The following PLXNB1 variants were observed in gnomAD, a reference collection of about 807,000 sequenced individuals.
PLXNB1 encodes plexin-B1.
In PLXNB1, 106 loss-of-function variants were observed where a neutral mutation model predicts 209.4. The ratio of observed to expected loss-of-function variants is 0.51; its 90% CI spans 0.43 to 0.59. The LOEUF (loss-of-function observed/expected upper bound fraction) is 0.59, where lower values mean the gene tolerates loss of function less well. Among genes scored for constraint, PLXNB1 ranks in the 20% least tolerant of loss-of-function variants. The probability of loss-of-function intolerance (pLI) is 0.00; values close to 1 mark genes in which losing one functional copy is unlikely to be tolerated. For synonymous variants in PLXNB1, 1,167 were observed against 1,183.2 expected, an observed-to-expected ratio of 0.99 and a Z score of 0.28; for missense variants, 2,357 against 2,853.2, an observed-to-expected ratio of 0.83 and a Z score of 3.96.
At position 48,413,633 on chromosome 3, in the gene PLXNB1, G is replaced by T; in HGVS notation, c.4535+37C>A. On this transcript the variant is annotated intron_variant, in intron 23 of 37. Transcript: ENST00000296440. This position sits in a 1 kb window ranked among gnomAD's most constrained non-coding sequence, Gnocchi z 5.4. ...CCTTCCCAGTCCAGCCAGATCCCACGACCTGCCCCAGCCCAGCCACATCTG... is the reference window on the plus strand; with the variant it reads ...CCTTCCCAGTCCAGCCAGATCCCACTACCTGCCCCAGCCCAGCCACATCTG... 1 of 1,574,322 alleles carries T rather than the reference G, an allele frequency of 6.4e-7. No individual in the cohort carries two copies. The highest frequency in any genetic ancestry group is 8.7e-7 in the Non-Finnish European group (1 of 1,154,766).
rs1406007088 is a variant in PLXNB1, at chr3:48,419,697, G to A, written c.2589C>T (p.Phe863=). The A allele has an allele frequency of 1.2e-6, 2 of 1,612,334 alleles. No individual in the cohort carries two copies. The highest frequency in any genetic ancestry group is 2.7e-5 in the African/African-American group (2 of 74,922). ...CACCTGAGAGGAGGGTGGAAGTGGAGAAGGCGGGTGCGTCACCCCCCGTCC... is the reference window on the plus strand; with the variant it reads ...CACCTGAGAGGAGGGTGGAAGTGGAAAAGGCGGGTGCGTCACCCCCCGTCC... ...DEWTGGDAPA[F]STSTLLSGDG... Residue 863 remains phenylalanine (F), a synonymous_variant, in exon 11 of 38, where the codon TTC becomes TTT. Coordinates refer to ENST00000296440, the MANE Select transcript of PLXNB1 (RefSeq NM_001130082.3). The surrounding 1 kb of genome is among the most constrained non-coding windows in gnomAD (Gnocchi z 5.7).
rs781034719 is a variant in PLXNB1 at position 48,423,893 on chromosome 3, T to C, written c.719A>G (p.Gln240Arg). 1.9e-6 allele frequency: 3 copies of C among 1,614,012 alleles called. No homozygotes were observed. The highest frequency in any genetic ancestry group is 2.5e-6 in the Non-Finnish European group (3 of 1,179,994). The change falls in exon 3 of 38, where the codon CAG (glutamine) becomes CGG (arginine). Residue 240 changes from glutamine (Q) to arginine (R), a missense_variant. Gln to Arg is a conservative substitution (Grantham distance 43). Transcript: ENST00000296440. ...FLFLRRDLQA[Q>R]SRAFRAYVSR... ...TACATAGGCACGAAAAGCTCTAGAC[T>C]GAGCCTGCAGGTCCCGCCGCAGGAA...
Position 48,414,144 on chromosome 3 carries a change from G to C in PLXNB1, c.4210-73C>G, listed in dbSNP as rs1234342116. ...TCCTGTCCTCCCCAAATGTGGGAAG[G>C]ACCCTGAGACCCAGCCGCAGCAGCA... On this transcript the variant is annotated intron_variant, in intron 21 of 37. Transcript: ENST00000296440. 2.4e-5 allele frequency: 35 copies of C among 1,442,086 alleles called. No individual in the cohort carries two copies. In the East Asian group the frequency reaches 8.0e-4, roughly 33 times the overall value. 89.3% of individuals were successfully genotyped at this position (1,442,086 alleles called of 1,614,324 possible).
At position 48,415,154 on chromosome 3, in the gene PLXNB1, G is replaced by A; in HGVS notation, c.3966+22C>T. ...TGGTATGGGGCAAGGGGAGAGTGTG[G>A]GGGTACCCAAGGGTGTCCTACTTGC... On this transcript the variant is annotated intron_variant, in intron 20 of 37. Coordinates refer to ENST00000296440, the MANE Select transcript of PLXNB1 (RefSeq NM_001130082.3). This position sits in a 1 kb window ranked among gnomAD's most constrained non-coding sequence, Gnocchi z 5.0. 1 of 1,608,446 alleles carries A rather than the reference G, an allele frequency of 6.2e-7. No individual in the cohort carries two copies. Among genetic ancestry groups the A allele is most frequent in the Non-Finnish European group, 8.5e-7 (1 of 1,175,816 alleles).
intron 1 of PLXNB1, among the ~76,000 whole-genome samples, chr3:48,428,013 T>G (rs973198093): frequency 6.6e-6 from 1 of 152,170 alleles, no homozygotes; most frequent in Non-Finnish European, 1.5e-5. Context: ...TGTTCCACCC[T>G]CCTACTCTGG....
rs750280362 is a variant in PLXNB1 at position 48,418,030 on chromosome 3, G to A, written c.3255C>T (p.Gly1085=). ...TGGAGCCCCTGATGGTGACACGGGT[G>A]CCTCCGTCTACAGGCCCAGTCAGTG... is the stretch of plus-strand genomic sequence containing the variant. ...VEPLTGPVDG[G]TRVTIRGSNL... Residue 1085 remains glycine, a synonymous_variant, in exon 16 of 38, where the codon GGC becomes GGT. Coordinates refer to ENST00000296440, the MANE Select transcript of PLXNB1 (RefSeq NM_001130082.3). The surrounding 1 kb of genome is among the most constrained non-coding windows in gnomAD (Gnocchi z 6.6). The A allele has an allele frequency of 7.4e-6, 12 of 1,613,438 alleles. No individual in the cohort carries two copies. Among genetic ancestry groups the A allele is most frequent in the Non-Finnish European group, 1.0e-5 (12 of 1,179,980 alleles).
At position 48,418,945 on chromosome 3, in the gene PLXNB1, T is replaced by G. The variant is rs1420249405; in HGVS notation, c.2927A>C (p.Gln976Pro). ...GTGCTGCTGGCAGGTGACATGGCAC[T>G]GGGTATCTGGAGGTGGCTCACACTC... ...RVECEPPPDT[Q>P]CHVTCQQHQL... The change falls in exon 13 of 38, where the codon CAG (glutamine) becomes CCG (proline). Residue 976 changes from glutamine (Q) to proline (P), a missense_variant. Gln to Pro is a moderately conservative substitution (Grantham distance 76). Around this residue, in one of 7 missense-constraint regions of PLXNB1, gnomAD observed 410 missense variants for 401.0 expected, o/e 1.02. Transcript: ENST00000296440. The surrounding 1 kb of genome is among the most constrained non-coding windows in gnomAD (Gnocchi z 6.6). 1 of 1,613,916 alleles carries G rather than the reference T, an allele frequency of 6.2e-7. No homozygotes were observed. The highest frequency in any genetic ancestry group is 1.3e-5 in the African/African-American group (1 of 74,928).
At position 48,415,469 on chromosome 3, in the gene PLXNB1, A is replaced by T; in HGVS notation, c.3794+114T>A. 11 of 1,405,150 alleles carry T rather than the reference A, an allele frequency of 7.8e-6. No homozygotes were observed. The highest frequency in any genetic ancestry group is 1.1e-5 in the Non-Finnish European group (11 of 1,029,660). 87.0% of individuals were successfully genotyped at this position (1,405,150 alleles called of 1,614,324 possible). A position where few individuals can be genotyped will look rare whatever the true frequency, so the allele number is the denominator to read the frequency against. On this transcript the variant is annotated intron_variant, in intron 19 of 37. Coordinates refer to ENST00000296440, the MANE Select transcript of PLXNB1 (RefSeq NM_001130082.3). The surrounding 1 kb of genome is among the most constrained non-coding windows in gnomAD (Gnocchi z 5.0). Reference sequence around the variant, plus strand: ...CCAAACCACACGACCCCTTGCCCCTACTAGCAGCATGGGATTCTCAGTGCC... The same window carrying T: ...CCAAACCACACGACCCCTTGCCCCTTCTAGCAGCATGGGATTCTCAGTGCC...
In PLXNB1 at chr3:48,410,580, G is replaced by A; in HGVS notation, c.5417-22C>T. 1 of 1,590,796 alleles carries A rather than the reference G, an allele frequency of 6.3e-7. No homozygotes were observed. The highest frequency in any genetic ancestry group is 1.9e-4 in the Middle Eastern group (1 of 5,252). ...CACTCTGCAAGGGCAAGGCAGAACT[G>A]GGTGCAGGGCTGGAAGATACCCTTC... On this transcript the variant is annotated intron_variant, in intron 29 of 37. Transcript: ENST00000296440. The surrounding 1 kb of genome is among the most constrained non-coding windows in gnomAD (Gnocchi z 6.4).
intron 21 of PLXNB1, 82 bp from the exon 22 acceptor site, chr3:48,414,153 AC>A: frequency 1.5e-6 from 2 of 1,373,214 alleles, no homozygotes; most frequent in Admixed American, 1.7e-5. Flanking sequence ...GGACCCTGAG[AC>A]CCAGCCGCAG....
chr3:48,412,880 CG>C lies in PLXNB1; in HGVS notation c.4715del (p.Ala1572GlyfsTer103). On this transcript the variant is annotated frameshift_variant, in exon 25 of 38. Transcript: ENST00000296440. LOFTEE classifies it high-confidence loss of function. ...GGTGCCCAGGGAAGAAGATCCTCTCCGCATACACCTTGTAGTCGAGGAAGGG... is the reference window on the plus strand; with the variant it reads ...GGTGCCCAGGGAAGAAGATCCTCTCCCATACACCTTGTAGTCGAGGAAGGG... The part of the protein sequence containing the change: ...GIPFLDYKVY[A>X]ERIFFPGHRE... The C allele has an allele frequency of 1.2e-6, 2 of 1,613,948 alleles. No individual in the cohort carries two copies. Among genetic ancestry groups the C allele is most frequent in the Non-Finnish European group, 1.7e-6 (2 of 1,180,010 alleles).
rs568285690 is a variant in PLXNB1 at position 48,409,305 on chromosome 3, C to G, written c.6087+24G>C. 6.2e-6 allele frequency: 10 copies of G among 1,613,000 alleles called. No homozygotes were observed. The highest frequency in any genetic ancestry group is 7.6e-6 in the Non-Finnish European group (9 of 1,179,600). ...CACTGTCCACCCTCACCCATCCCCC[C>G]GTGTCCATCCCAGACTCGCTCACCC... On this transcript the variant is annotated intron_variant, in intron 34 of 37. Coordinates refer to ENST00000296440, the MANE Select transcript of PLXNB1 (RefSeq NM_001130082.3). This position sits in a 1 kb window ranked among gnomAD's most constrained non-coding sequence, Gnocchi z 5.8.
Position 48,413,330 on chromosome 3 carries a change from C to A in PLXNB1, c.4536-161G>T. On this transcript the variant is annotated intron_variant, in intron 23 of 37. Transcript: ENST00000296440. The surrounding 1 kb of genome is among the most constrained non-coding windows in gnomAD (Gnocchi z 5.4). Reference sequence around the variant, plus strand: ...CCAGTACGATTCAGCCTGTCCCGTCCCAAGCAAGTCACACACACCCATGCC... The same window carrying A: ...CCAGTACGATTCAGCCTGTCCCGTCACAAGCAAGTCACACACACCCATGCC... 1.5e-6 allele frequency: 1 copy of A among 647,942 alleles called. No individual in the cohort carries two copies. The highest frequency in any genetic ancestry group is 2.7e-6 in the Non-Finnish European group (1 of 369,964). The allele number at this position is 647,942 out of a possible 1,614,324, so 40.1% of individuals were successfully genotyped here. A position where few individuals can be genotyped will look rare whatever the true frequency, so the allele number is the denominator to read the frequency against.
At position 48,416,119 on chromosome 3, in the gene PLXNB1, C is replaced by T; in HGVS notation, c.3529G>A (p.Gly1177Ser). 7 of 1,599,452 alleles carry T rather than the reference C, an allele frequency of 4.4e-6. No homozygotes were observed. The highest frequency in any genetic ancestry group is 6.0e-6 in the Non-Finnish European group (7 of 1,173,386). The change falls in exon 18 of 38, where the codon GGC becomes AGC. Residue 1177 changes from glycine (G) to serine (S), a missense_variant. Gly to Ser is a moderately conservative substitution (Grantham distance 56). This residue lies in a region of PLXNB1 where 743 missense variants were observed against 896.2 expected (regional missense o/e 0.83). Transcript: ENST00000296440. This position sits in a 1 kb window ranked among gnomAD's most constrained non-coding sequence, Gnocchi z 4.1. ...GAGCCATTCAGGGTGAGACGGGTGCCCCCAGCTCTGGGGCCGCGGGCCGGG... is the reference window on the plus strand; with the variant it reads ...GAGCCATTCAGGGTGAGACGGGTGCTCCCAGCTCTGGGGCCGCGGGCCGGG... Reference protein sequence around the residue: ...IFPARGPRAGGTRLTLNGSKL... With the variant: ...IFPARGPRAGSTRLTLNGSKL...
In PLXNB1 at chr3:48,420,716, C is replaced by T. The variant is rs1429443293; in HGVS notation, c.1977G>A (p.Leu659=). The change falls in exon 10 of 38, where the codon CTG becomes CTA. Residue 659 remains leucine (L), a synonymous_variant. Transcript: ENST00000296440. ...WGCNWCVWQH[L]CTHKASCDAG... ...CATCACACGAGGCCTTGTGGGTGCA[C>T]AGGTGCTGCCAGACACACCAGTTAC... 1.2e-6 allele frequency: 2 copies of T among 1,614,108 alleles called. No homozygotes were observed. Among genetic ancestry groups the T allele is most frequent in the Non-Finnish European group, 1.7e-6 (2 of 1,180,000 alleles).
chr3:48,413,219 C>T lies in PLXNB1; in HGVS notation c.4536-50G>A, dbSNP rs1476936240. On this transcript the variant is annotated intron_variant, in intron 23 of 37. Transcript: ENST00000296440. The surrounding 1 kb of genome is among the most constrained non-coding windows in gnomAD (Gnocchi z 5.4). ...GGATGGCCAGATGAGTCCTACTCGC[C>T]CAGGCCTGCCTGACAATCCCCAGGC... 7.0e-7 allele frequency: 1 copy of T among 1,433,216 alleles called. No homozygotes were observed. Among genetic ancestry groups the T allele is most frequent in the African/African-American group, 1.4e-5 (1 of 71,616 alleles). 88.8% of individuals were successfully genotyped at this position (1,433,216 alleles called of 1,614,324 possible).
chr3:48,409,314 C>T lies in PLXNB1; in HGVS notation c.6087+15G>A, dbSNP rs753391056. 6 of 1,613,642 alleles carry T rather than the reference C, an allele frequency of 3.7e-6. No homozygotes were observed. The African/African-American group carries it at 6.7e-5, about 18-fold the overall frequency. ...CCCTCACCCATCCCCCCGTGTCCAT[C>T]CCAGACTCGCTCACCCGGCCCAGCT... On this transcript the variant is annotated intron_variant, in intron 34 of 37. Transcript: ENST00000296440. The surrounding 1 kb of genome is among the most constrained non-coding windows in gnomAD (Gnocchi z 5.8).
chr3:48,420,321 A>G, intron 10 of PLXNB1, 64 bp from the exon 11 acceptor site: 4 of 889,146 alleles, frequency 4.5e-6, no homozygotes, highest in Non-Finnish European at 6.9e-6. Context: ...GACAGGAGGC[A>G]GGCAGGCACA....
Position 48,410,817 on chromosome 3 carries a change from A to G in PLXNB1, c.5416+51T>C, listed in dbSNP as rs1321346940. The G allele has an allele frequency of 6.5e-7, 1 of 1,544,904 alleles. No homozygotes were observed. Among genetic ancestry groups the G allele is most frequent in the Non-Finnish European group, 8.8e-7 (1 of 1,136,092 alleles). The stretch of plus-strand genomic sequence containing the variant: ...GTCCCTGCAGAGTTGGTCCGGGGCC[A>G]GCCCAGGCCCAACAGTGGCTCAGGT... On this transcript the variant is annotated intron_variant, in intron 29 of 37. Transcript: ENST00000296440. The surrounding 1 kb of genome is among the most constrained non-coding windows in gnomAD (Gnocchi z 6.4).
Sources: gnomAD v4.1 joint callset for allele counts (sites outside exome capture counted in the v4.1 genomes callset) on GRCh38, gnomAD v4.1.1 for gene constraint, gnomAD v4.1.1 regional missense constraint, Gnocchi (gnomAD v3.1) non-coding constraint, MANE v1.5 for transcripts, NCBI Gene and HGNC (gene_info 2026-07-23, HGNC 2026-07-21) for gene names.